The following KIAA1328 variants were observed in gnomAD, a reference collection of about 807,000 sequenced individuals.
KIAA1328 encodes KIAA1328, also known as protein hinderin.
Under a neutral mutation model 68.1 loss-of-function variants are expected in KIAA1328, and 52 were observed. That is an observed-to-expected ratio of 0.76 (90% CI 0.61 to 0.96). The LOEUF (loss-of-function observed/expected upper bound fraction) is 0.96, where lower values mean the gene tolerates loss of function less well. Ranked by LOEUF, KIAA1328 falls within the 40% of genes least tolerant of loss-of-function variation. The pLI, the probability that KIAA1328 is intolerant of heterozygous loss-of-function variation, is 0.00. For synonymous variants in KIAA1328, 232 were observed against 239.4 expected, an observed-to-expected ratio of 0.97 and a Z score of 0.28; for missense variants, 641 against 677.6, an observed-to-expected ratio of 0.95 and a Z score of 0.60.
chr18:37,103,639 A>G (rs73419076), intron 7 of KIAA1328, among the ~76,000 whole-genome samples: 105 of 152,318 alleles, frequency 6.9e-4, no homozygotes, highest in Non-Finnish European at 1.0e-3. Context: ...ACAACAAAAT[A>G]AAAACAGGCA....
intron 7 of KIAA1328, among the ~76,000 whole-genome samples, chr18:37,106,982 G>A (rs937045230): frequency 6.6e-6 from 1 of 152,166 alleles, no homozygotes; most frequent in Non-Finnish European, 1.5e-5. Context: ...AGTAGCTCAT[G>A]CTTGTAATTC....
intron 6 of KIAA1328, among the ~76,000 whole-genome samples, chr18:37,054,519 G>A (rs543555600): frequency 6.6e-6 from 1 of 152,298 alleles, no homozygotes; most frequent in Non-Finnish European, 1.5e-5. Flanking sequence ...CCGGAAAATG[G>A]ATGCAGCCAG....
intron 4 of KIAA1328, among the ~76,000 whole-genome samples, chr18:36,844,993 A>G (rs1006554132): frequency 1.3e-5 from 2 of 151,842 alleles, no homozygotes; most frequent in Admixed American, 1.3e-4. Flanking sequence ...ACTGAATTGC[A>G]AATAAAGATA....
At chr18:37,214,607 T>G (rs955815168) in intron 9 of KIAA1328, among the ~76,000 whole-genome samples, 9 of 152,198 alleles carry the variant, frequency 5.9e-5, no homozygotes, top group East Asian at 3.8e-4. Flanking sequence ...TTGTTCTTTT[T>G]GCTTAGGATT....
At chr18:37,185,575 T>A (rs1013347296) in intron 9 of KIAA1328, among the ~76,000 whole-genome samples, 3 of 152,102 alleles carry the variant, frequency 2.0e-5, no homozygotes, top group Admixed American at 6.6e-5. Context: ...AATCAAAGAC[T>A]ATCAGCAAGA....
chr18:36,971,630 AAAAAT>A (rs2052217046), intron 6 of KIAA1328, among the ~76,000 whole-genome samples: 1 of 152,184 alleles, frequency 6.6e-6, no homozygotes, highest in Admixed American at 6.5e-5. Flanking sequence ...ACTCCATCTC[AAAAAT>A]AAAATAAATT....
chr18:37,078,283 A>G (rs2056820119), intron 7 of KIAA1328, among the ~76,000 whole-genome samples: 1 of 152,226 alleles, frequency 6.6e-6, no homozygotes, highest in Admixed American at 6.5e-5. Flanking sequence ...CATATGTAGA[A>G]AGCTGAAGCT....
At chr18:37,070,284 G>A (rs551259403) in intron 7 of KIAA1328, among the ~76,000 whole-genome samples, 8 of 152,216 alleles carry the variant, frequency 5.3e-5, no homozygotes, top group African/African-American at 1.7e-4. Context: ...AAAAGAATAC[G>A]TATTCTGCTG....
At chr18:36,881,353 C>T (rs1312156317) in intron 4 of KIAA1328, among the ~76,000 whole-genome samples, 2 of 151,752 alleles carry the variant, frequency 1.3e-5, no homozygotes, top group Non-Finnish European at 2.9e-5. Context: ...TTTTTAATAT[C>T]GAATCTACCC....
intron 8 of KIAA1328, among the ~76,000 whole-genome samples, chr18:37,169,931 T>C (rs1021758859): frequency 9.9e-5 from 15 of 152,256 alleles, no homozygotes; most frequent in African/African-American, 3.6e-4. Flanking sequence ...TTCTTTAAAT[T>C]GTCCCCAGGT....
chr18:37,184,512 T>G (rs1411634561), intron 9 of KIAA1328, among the ~76,000 whole-genome samples: 1 of 152,190 alleles, frequency 6.6e-6, no homozygotes, highest in Non-Finnish European at 1.5e-5. Flanking sequence ...TGCAGCTAGT[T>G]TATTGTTTGG....
At chr18:37,137,762 C>T (rs1382645830) in intron 7 of KIAA1328, among the ~76,000 whole-genome samples, 3 of 152,106 alleles carry the variant, frequency 2.0e-5, no homozygotes, top group Non-Finnish European at 4.4e-5. Flanking sequence ...TCTCAATAGA[C>T]CTCTTTCTCT....
At chr18:37,199,818 G>A (rs1454249769) in intron 9 of KIAA1328, among the ~76,000 whole-genome samples, 2 of 152,054 alleles carry the variant, frequency 1.3e-5, no homozygotes, top group East Asian at 3.8e-4. Context: ...TCTCATTGTG[G>A]TTTTGATTTT....
At chr18:37,004,508 G>A (rs1293586618) in intron 6 of KIAA1328, among the ~76,000 whole-genome samples, 1 of 152,002 alleles carries the variant, frequency 6.6e-6, no homozygotes, top group East Asian at 1.9e-4. Context: ...ATGAAAAAAT[G>A]TTCAACATCA....
chr18:37,085,739 C>T (rs323296), intron 7 of KIAA1328, among the ~76,000 whole-genome samples: 61,424 of 151,872 alleles, frequency 0.4, 14,266 homozygotes, highest in African/African-American at 0.64. Flanking sequence ...CACTGATAAC[C>T]ATCTATTTGC....
At position 36,933,289 on chromosome 18, in the gene KIAA1328, T is replaced by TGTG. The variant is rs1403833860; in HGVS notation, c.449-26005_449-26003dup. ...TTTCCATGTGTTTGCAGCCCTGCTC[T>TGTG]GTGGTGGTGGTGGTGGAGAGAGAGA... On this transcript the variant is annotated intron_variant, in intron 5 of 9. Transcript: ENST00000280020. Among the ~76,000 whole-genome samples the TGTG allele has an allele frequency of 2.0e-5, 3 of 152,102 alleles. No homozygotes were observed. In the East Asian group the frequency reaches 5.8e-4, roughly 29 times the overall value.
At chr18:36,934,989 C>G (rs1216886865) in intron 5 of KIAA1328, among the ~76,000 whole-genome samples, 2 of 152,174 alleles carry the variant, frequency 1.3e-5, no homozygotes. Flanking sequence ...GTTGTCTTTC[C>G]AGAGACCACG....
intron 5 of KIAA1328, among the ~76,000 whole-genome samples, chr18:36,944,824 A>T (rs988939572): frequency 6.6e-6 from 1 of 152,226 alleles, no homozygotes; most frequent in Non-Finnish European, 1.5e-5. Context: ...ACATTTAACA[A>T]TTAATAGATT....
At chr18:37,177,357 G>A (rs2847590) in intron 9 of KIAA1328, among the ~76,000 whole-genome samples, 152,313 of 152,330 alleles carry the variant, frequency 1, 76,148 homozygotes, top group Middle Eastern at 1. Flanking sequence ...ACCCTGATAA[G>A]CAGAGGCACA....
Sources: allele counts gnomAD v4.1 joint callset (sites outside exome capture counted in the v4.1 genomes callset), GRCh38; gene constraint gnomAD v4.1.1; transcripts MANE v1.5; gene names NCBI Gene and HGNC (gene_info 2026-07-23, HGNC 2026-07-21).